SORBS2: variants seen among roughly 807,000 people sequenced by gnomAD.
The protein encoded by SORBS2 is sorbin and SH3 domain-containing protein 2.
SORBS2 carries 46 observed loss-of-function variants against 97.7 expected under a neutral mutation model. The ratio of observed to expected loss-of-function variants is 0.47; its 90% CI spans 0.37 to 0.60. SORBS2 has a LOEUF of 0.60. Among genes scored for constraint, SORBS2 ranks in the 20% least tolerant of loss-of-function variants. The pLI is 0.00. For missense variants in SORBS2, 1,316 were observed against 1,282.3 expected, an observed-to-expected ratio of 1.03 and a Z score of -0.40; for synonymous variants, 476 against 473.4, an observed-to-expected ratio of 1.01 and a Z score of -0.07.
chr4:185,769,356 A>G (rs1306477889), intron 2 of SORBS2, among the ~76,000 whole-genome samples: 4 of 152,236 alleles, frequency 2.6e-5, no homozygotes, highest in African/African-American at 7.2e-5. Context: ...AAGCAAAGGC[A>G]TCAATATCTC....
At chr4:185,624,378 C>A (rs2096774231) in exon 7 of SORBS2, 1 of 1,614,038 alleles carries the variant, frequency 6.2e-7, no homozygotes, top group Non-Finnish European at 8.5e-7. Flanking sequence ...CTTGGTGAGT[C>A]CCGAGGGACA....
rs546061284 is a variant in SORBS2 at position 185,777,302 on chromosome 4, CT to C, written c.-337-1937del. Reference sequence around the variant, plus strand: ...TTTAAATGGTTACATTTTACTATGTCTTAAATACCTGCCAATCTAACATGGG... The same window carrying C: ...TTTAAATGGTTACATTTTACTATGTCTAAATACCTGCCAATCTAACATGGG... On this transcript the variant is annotated intron_variant, in intron 1 of 20. Coordinates refer to the SORBS2 transcript ENST00000284776. 1.2e-4 allele frequency among the ~76,000 whole-genome samples: 18 copies of C among 152,216 alleles called. No homozygotes were observed. The East Asian group carries it at 3.3e-3, about 28-fold the overall frequency.
rs186099394 is a variant in SORBS2, at chr4:185,723,299, C to T, written c.-197-44477G>A. On this transcript the variant is annotated intron_variant, in intron 2 of 20. Transcript: ENST00000284776. ...GAAAACACAGAGACAAGGACTGTTT[C>T]ACTCTGTCTCCCTTAAGAACTTTGA... Among the ~76,000 whole-genome samples, 257 of 152,310 alleles carry T rather than the reference C, an allele frequency of 1.7e-3. 1 individual carries two copies. The highest frequency in any genetic ancestry group is 6.0e-3 in the African/African-American group (251 of 41,558).
chr4:185,831,521 A>G (rs1206544225), intron 1 of SORBS2, among the ~76,000 whole-genome samples: 1 of 152,262 alleles, frequency 6.6e-6, no homozygotes, highest in East Asian at 1.9e-4. Context: ...AGAATAGGAA[A>G]GGAATAACAA....
Position 185,821,453 on chromosome 4 carries a change from T to C in SORBS2, c.-337-46087A>G, listed in dbSNP as rs191099819. Among the ~76,000 whole-genome samples, 67 of 152,342 alleles carry C rather than the reference T, an allele frequency of 4.4e-4. No individual in the cohort carries two copies. In the East Asian group the frequency reaches 0.012, roughly 28 times the overall value. On this transcript the variant is annotated intron_variant, in intron 1 of 20. Coordinates refer to the SORBS2 transcript ENST00000284776. ...TTGTTTCTTTTTTTGAGATGGAGTC[T>C]CGCTCTGTCTCCTAGGCTGCAGTGC...
At chr4:185,655,750 C>G (rs1435710407) in intron 1 of SORBS2, among the ~76,000 whole-genome samples, 1 of 152,184 alleles carries the variant, frequency 6.6e-6, no homozygotes, top group Non-Finnish European at 1.5e-5. Context: ...TCTAGCATCT[C>G]AGTTTTTCCT....
At chr4:185,797,831 T>C (rs73017844) in intron 1 of SORBS2, among the ~76,000 whole-genome samples, 2,357 of 152,274 alleles carry the variant, frequency 0.015, 71 homozygotes, top group African/African-American at 0.054. Flanking sequence ...CCATCCAGCC[T>C]GCAATGTGCT....
chr4:185,908,298 T>TATTTGTATACACACAA (rs1554049936), intron 1 of SORBS2, among the ~76,000 whole-genome samples: 3 of 95,348 alleles, frequency 3.1e-5, no homozygotes, highest in African/African-American at 1.2e-4. Context: ...TATATATATA[T>TATTTGTATACACACAA]ATATATATAT....
intron 2 of SORBS2, 37 bp downstream of exon 4, chr4:185,690,525 C>G: frequency 7.0e-7 from 1 of 1,428,678 alleles, no homozygotes; most frequent in Non-Finnish European, 9.5e-7. Context: ...TTTTAGAGAG[C>G]AAGGCTAAAA....
intron 1 of SORBS2, among the ~76,000 whole-genome samples, chr4:185,881,183 A>C (rs996415268): frequency 6.6e-6 from 1 of 152,236 alleles, no homozygotes; most frequent in Non-Finnish European, 1.5e-5. Flanking sequence ...TGTAGAGTTA[A>C]GGAAATTGAG....
intron 12 of SORBS2, chr4:185,594,145 C>T: frequency 1.8e-6 from 1 of 549,180 alleles, no homozygotes; most frequent in Non-Finnish European, 3.2e-6. Flanking sequence ...TAAGCAAGGT[C>T]AAATGTTTTG....
At chr4:185,681,033 G>A (rs1315134725) in intron 2 of SORBS2, among the ~76,000 whole-genome samples, 5 of 152,076 alleles carry the variant, frequency 3.3e-5, no homozygotes, top group South Asian at 2.1e-4. Context: ...GTCTTGCATC[G>A]CACAGTGGAC....
chr4:185,808,830 A>G (rs1169890683), intron 1 of SORBS2, among the ~76,000 whole-genome samples: 1 of 152,196 alleles, frequency 6.6e-6, no homozygotes, highest in Non-Finnish European at 1.5e-5. Flanking sequence ...CATCAACTCA[A>G]CATTAGTTTT....
At chr4:185,753,062 C>CGCTCCTCCGGACCACGGG (rs2098810989) in intron 2 of SORBS2, among the ~76,000 whole-genome samples, 1 of 152,232 alleles carries the variant, frequency 6.6e-6, no homozygotes, top group Admixed American at 6.5e-5. Flanking sequence ...CCAGTGACCA[C>CGCTCCTCCGGACCACGGG]GGCCATGAGG....
At chr4:185,652,961 C>T (rs537044945) in intron 1 of SORBS2, among the ~76,000 whole-genome samples, 2 of 152,230 alleles carry the variant, frequency 1.3e-5, no homozygotes, top group African/African-American at 4.8e-5. Context: ...ACATTAGATG[C>T]TATGGTTTTA....
chr4:185,661,040 C>G (rs1038012665), upstream of SORBS2, among the ~76,000 whole-genome samples: 1 of 151,952 alleles, frequency 6.6e-6, no homozygotes, highest in African/African-American at 2.4e-5. Flanking sequence ...TTAGGGAGGT[C>G]GAGGCAGGTG....
chr4:185,952,216 C>T (rs754405098), intron 1 of SORBS2, among the ~76,000 whole-genome samples: 1 of 152,076 alleles, frequency 6.6e-6, no homozygotes, highest in Non-Finnish European at 1.5e-5. Flanking sequence ...TTAGTAGAGA[C>T]AGGGTTTCAC....
intron 2 of SORBS2, among the ~76,000 whole-genome samples, chr4:185,765,259 CT>C (rs1416582447): frequency 2.6e-5 from 4 of 152,128 alleles, no homozygotes; most frequent in Non-Finnish European, 5.9e-5. Context: ...TTTGGTTTTA[CT>C]AGTGAATTCC....
chr4:185,680,557 C>T (rs2097853692), intron 2 of SORBS2, among the ~76,000 whole-genome samples: 1 of 152,014 alleles, frequency 6.6e-6, no homozygotes. Flanking sequence ...TAAAATAGCC[C>T]AATGCTACTT....
Sources: gnomAD v4.1 joint callset for allele counts (sites outside exome capture counted in the v4.1 genomes callset) on GRCh38, gnomAD v4.1.1 for gene constraint, MANE v1.5 for transcripts, NCBI Gene and HGNC (gene_info 2026-07-23, HGNC 2026-07-21) for gene names.